The following TMEM117 variants were observed in gnomAD, a reference collection of about 807,000 sequenced individuals.
The protein encoded by TMEM117 is transmembrane protein 117.
TMEM117 carries 27 observed loss-of-function variants against 52.4 expected under a neutral mutation model. The ratio of observed to expected loss-of-function variants is 0.51; its 90% CI spans 0.38 to 0.71. TMEM117 has a LOEUF of 0.71. Ranked by LOEUF, TMEM117 falls within the 30% of genes least tolerant of loss-of-function variation. The probability of loss-of-function intolerance (pLI) is 0.00; values close to 1 mark genes in which losing one functional copy is unlikely to be tolerated. For missense variants in TMEM117, 556 were observed against 630.5 expected (o/e 0.88, Z 1.26); for synonymous variants, 215 against 206.3 (o/e 1.04, Z -0.36).
At chr12:44,087,430 A>ATGTG (rs919449240) in intron 3 of TMEM117, among the ~76,000 whole-genome samples, 8 of 147,508 alleles carry the variant, frequency 5.4e-5, no homozygotes, top group African/African-American at 7.7e-5. Context: ...CATTCTTTCT[A>ATGTG]TGTGTGTATG....
At chr12:44,370,604 G>C (rs1330656486) in intron 6 of TMEM117, among the ~76,000 whole-genome samples, 1 of 144,646 alleles carries the variant, frequency 6.9e-6, no homozygotes, top group Non-Finnish European at 1.5e-5. Flanking sequence ...TGCAACCTCC[G>C]CCTCCTGGGT....
chr12:44,060,630 T>C (rs1457181601), intron 3 of TMEM117, among the ~76,000 whole-genome samples: 1 of 152,162 alleles, frequency 6.6e-6, no homozygotes, highest in Non-Finnish European at 1.5e-5. Context: ...TAGAGAAAAG[T>C]ATGTCTGGAG....
At chr12:44,319,827 A>G (rs1296236328) in intron 6 of TMEM117, among the ~76,000 whole-genome samples, 1 of 152,132 alleles carries the variant, frequency 6.6e-6, no homozygotes, top group African/African-American at 2.4e-5. Flanking sequence ...TTCTTGGCTC[A>G]AAACCTAACT....
intron 4 of TMEM117, among the ~76,000 whole-genome samples, chr12:44,180,152 T>C (rs1373280715): frequency 6.6e-6 from 1 of 152,124 alleles, no homozygotes; most frequent in Non-Finnish European, 1.5e-5. Context: ...GGCAGCCAGT[T>C]CCCAGTGTTA....
intron 5 of TMEM117, among the ~76,000 whole-genome samples, chr12:44,249,212 G>C (rs1191590498): frequency 6.6e-6 from 1 of 151,738 alleles, no homozygotes; most frequent in Admixed American, 6.6e-5. Context: ...GTGTTTCCAG[G>C]GGTTTGTATT....
At chr12:44,150,245 A>C (rs915982059) in intron 4 of TMEM117, among the ~76,000 whole-genome samples, 5 of 152,230 alleles carry the variant, frequency 3.3e-5, no homozygotes, top group African/African-American at 1.2e-4. Flanking sequence ...AAAAGCATGC[A>C]TCAGGGATTT....
At chr12:43,879,489 A>G (rs1319827813) in intron 2 of TMEM117, among the ~76,000 whole-genome samples, 1 of 152,172 alleles carries the variant, frequency 6.6e-6, no homozygotes, top group Non-Finnish European at 1.5e-5. Flanking sequence ...TAGTATGCAA[A>G]TATATTTTGC....
At chr12:44,254,682 A>C (rs920807814) in intron 5 of TMEM117, among the ~76,000 whole-genome samples, 2 of 151,938 alleles carry the variant, frequency 1.3e-5, no homozygotes, top group African/African-American at 4.8e-5. Flanking sequence ...TTATACTTTA[A>C]GTTTTAGGGT....
chr12:43,820,012 A>C, the TMEM117 span, among the ~76,000 whole-genome samples: 1 of 152,252 alleles, frequency 6.6e-6, no homozygotes, highest in South Asian at 2.1e-4. Context: ...CTTGTAAAAA[A>C]AAGAGAAAAG....
At chr12:44,250,020 C>T (rs1950177791) in intron 5 of TMEM117, among the ~76,000 whole-genome samples, 1 of 152,082 alleles carries the variant, frequency 6.6e-6, no homozygotes, top group Admixed American at 6.6e-5. Flanking sequence ...AGAACTTCTG[C>T]ACAGCAAATG....
chr12:44,151,010 A>G (rs573453437), intron 4 of TMEM117, among the ~76,000 whole-genome samples: 14 of 152,152 alleles, frequency 9.2e-5, no homozygotes, highest in Non-Finnish European at 1.5e-4. Context: ...TGCAATTTAT[A>G]TTCATTTATT....
intron 1 of TMEM117, among the ~76,000 whole-genome samples, chr12:43,838,202 A>G (rs1179684282): frequency 6.6e-6 from 1 of 151,956 alleles, no homozygotes; most frequent in Non-Finnish European, 1.5e-5. Context: ...CTTTTTATCT[A>G]ACAATTTAAG....
chr12:44,299,433 A>T, intron 5 of TMEM117, 147 bp from the exon 6 acceptor site: 1 of 1,078,686 alleles, frequency 9.3e-7, no homozygotes, highest in Non-Finnish European at 1.3e-6. Flanking sequence ...ATGCCCGGCC[A>T]ACTTTTTTCA....
At chr12:44,054,251 C>T (rs187311681) in intron 3 of TMEM117, among the ~76,000 whole-genome samples, 2 of 152,070 alleles carry the variant, frequency 1.3e-5, no homozygotes, top group African/African-American at 4.8e-5. Flanking sequence ...AAATCTTTAT[C>T]GAGGATTGGA....
chr12:43,887,907 G>A (rs1198683825), intron 2 of TMEM117, among the ~76,000 whole-genome samples: 1 of 152,164 alleles, frequency 6.6e-6, no homozygotes. Context: ...GTTTCATAGT[G>A]AGGATCAAAA....
At chr12:44,080,294 G>A (rs181221069) in intron 3 of TMEM117, among the ~76,000 whole-genome samples, 17 of 152,188 alleles carry the variant, frequency 1.1e-4, no homozygotes, top group Admixed American at 4.6e-4. Flanking sequence ...AAGCAAACAC[G>A]TCCCTCTTCA....
At chr12:44,136,983 C>T (rs985677939) in intron 3 of TMEM117, among the ~76,000 whole-genome samples, 5 of 151,538 alleles carry the variant, frequency 3.3e-5, no homozygotes, top group African/African-American at 7.3e-5. Flanking sequence ...CTTTTATACT[C>T]ATCCTACTTT....
intron 2 of TMEM117, among the ~76,000 whole-genome samples, chr12:43,938,423 C>G (rs1944989053): frequency 6.6e-6 from 1 of 151,854 alleles, no homozygotes; most frequent in South Asian, 2.1e-4. Flanking sequence ...AAAGCGTTAT[C>G]TTTTCATCCA....
intron 3 of TMEM117, among the ~76,000 whole-genome samples, chr12:44,082,733 A>G (rs1314190468): frequency 1.3e-5 from 2 of 152,170 alleles, no homozygotes; most frequent in African/African-American, 2.4e-5. Context: ...ATGCAACACA[A>G]CAATATAATG....
Sources: allele counts gnomAD v4.1 joint callset (sites outside exome capture counted in the v4.1 genomes callset), GRCh38; gene constraint gnomAD v4.1.1; transcripts MANE v1.5; gene names NCBI Gene and HGNC (gene_info 2026-07-23, HGNC 2026-07-21).